Variants in PCDHA7 observed in about 807,000 individuals in gnomAD.
PCDHA7 encodes the protein protocadherin alpha-7.
Under a neutral mutation model 57.2 loss-of-function variants are expected in PCDHA7, and 37 were observed. The ratio of observed to expected loss-of-function variants is 0.65; its 90% CI spans 0.50 to 0.85. The LOEUF is 0.85. Among genes scored for constraint, PCDHA7 ranks in the 40% least tolerant of loss-of-function variants. PCDHA7 has a pLI of 0.00. For missense variants in PCDHA7, 1,188 were observed against 1,241.8 expected, an observed-to-expected ratio of 0.96 and a Z score of 0.65; for synonymous variants, 553 against 558.8, an observed-to-expected ratio of 0.99 and a Z score of 0.15.
intron 1 of PCDHA7, chr5:140,862,360 G>C (rs920511235): frequency 6.0e-6 from 2 of 334,746 alleles, no homozygotes; most frequent in Non-Finnish European, 1.2e-5. Flanking sequence ...AGGGACAGAC[G>C]ACCCGCACCC....
At chr5:140,905,704 T>C (rs960569704) in intron 1 of PCDHA7, among the ~76,000 whole-genome samples, 2 of 152,242 alleles carry the variant, frequency 1.3e-5, no homozygotes, top group African/African-American at 4.8e-5. Context: ...TCATTTATGA[T>C]TTCCTTCAGC....
At position 140,836,073 on chromosome 5, in the gene PCDHA7, G is replaced by C; in HGVS notation, c.1690G>C (p.Ala564Pro). 6.2e-7 allele frequency: 1 copy of C among 1,613,652 alleles called. No homozygotes were observed. ...FVLDENDNAP[A>P]LLAPRVGGTG... ...GCTGGACGAGAACGACAACGCGCCG[G>C]CACTGCTGGCGCCTCGGGTGGGTGG... The change falls in exon 1 of 4, where the codon GCA becomes CCA. Residue 564 changes from alanine (A) to proline (P), a missense_variant. Ala to Pro is a conservative substitution (Grantham distance 27, BLOSUM62 -1). Transcript: ENST00000525929.
chr5:140,866,671 G>A (rs2049487363), intron 1 of PCDHA7: 1 of 152,084 alleles, frequency 6.6e-6, no homozygotes, highest in Admixed American at 6.5e-5. Context: ...AGAAATAATA[G>A]CACTAGGTCT....
chr5:140,848,711 G>A (rs2150418509), intron 1 of PCDHA7: 14 of 1,592,432 alleles, frequency 8.8e-6, no homozygotes, highest in Non-Finnish European at 1.2e-5. Flanking sequence ...AAGGCCGCGG[G>A]GACCTTCTGG....
At chr5:140,862,706 G>A in intron 1 of PCDHA7, 1 of 558,712 alleles carries the variant, frequency 1.8e-6, no homozygotes, top group South Asian at 1.4e-5. Context: ...ATGGAACAGC[G>A]GGTGGGCGAG....
At chr5:140,928,504 A>G (rs1408229072) in intron 1 of PCDHA7, 1 of 1,614,092 alleles carries the variant, frequency 6.2e-7, no homozygotes, top group African/African-American at 1.3e-5. Flanking sequence ...CAGAAGTGCA[A>G]CAGTGACTAT....
rs2150409863 is a variant in PCDHA7 at position 140,848,399 on chromosome 5, C to A, written c.2355+11661C>A. 68 of 1,293,766 alleles carry A rather than the reference C, an allele frequency of 5.3e-5. 5 individuals are homozygous for A. In the Admixed American group the frequency reaches 5.7e-4, roughly 11 times the overall value. The allele number at this position is 1,293,766 out of a possible 1,614,324, so 80.1% of individuals were successfully genotyped here. A position where few individuals can be genotyped will look rare whatever the true frequency, so the allele number is the denominator to read the frequency against. The stretch of plus-strand genomic sequence containing the variant: ...TCTTTTTCACTCTCTCTGTGCTGAA[C>A]GATGGCGAACACAGCAGAATGGGAC... On this transcript the variant is annotated intron_variant, in intron 1 of 3. Coordinates refer to ENST00000525929, the MANE Select transcript of PCDHA7 (RefSeq NM_018910.3).
intron 1 of PCDHA7, chr5:140,927,919 C>G (rs782561454): frequency 6.2e-7 from 1 of 1,614,216 alleles, no homozygotes; most frequent in Non-Finnish European, 8.5e-7. Context: ...ACTGGACTTC[C>G]TGACTCTTTC....
intron 1 of PCDHA7, chr5:140,858,148 C>A: frequency 6.3e-7 from 1 of 1,597,640 alleles, no homozygotes; most frequent in Non-Finnish European, 8.6e-7. Context: ...ACCTGATCAT[C>A]GCCATCTGCG....
intron 2 of PCDHA7, 73 bp downstream of exon 2, chr5:140,979,080 A>T: frequency 1.3e-6 from 2 of 1,572,720 alleles, no homozygotes; most frequent in Non-Finnish European, 1.7e-6. Context: ...GCATCTCCAT[A>T]GGCCAGAAGC....
rs371718634 is a variant in PCDHA7, at chr5:140,884,469, C to G, written c.2355+47731C>G. ...CCGCCCACCGAGGGCGCGTGCGCGCCGGGCAAGCCCACTCTAGTGTGCTCC... is the reference window on the plus strand; with the variant it reads ...CCGCCCACCGAGGGCGCGTGCGCGCGGGGCAAGCCCACTCTAGTGTGCTCC... On this transcript the variant is annotated intron_variant, in intron 1 of 3. Coordinates refer to ENST00000525929, the MANE Select transcript of PCDHA7 (RefSeq NM_018910.3). 7.7e-5 allele frequency: 124 copies of G among 1,613,648 alleles called. 1 individual carries two copies. The highest frequency in any genetic ancestry group is 9.6e-5 in the Non-Finnish European group (113 of 1,179,828).
chr5:140,909,380 C>T (rs1247939021), intron 1 of PCDHA7, among the ~76,000 whole-genome samples: 2 of 152,194 alleles, frequency 1.3e-5, no homozygotes, highest in East Asian at 1.9e-4. Context: ...AATGAAACCA[C>T]ATCTAGTACA....
At chr5:140,944,439 G>A (rs1022400391) in intron 1 of PCDHA7, among the ~76,000 whole-genome samples, 7 of 152,022 alleles carry the variant, frequency 4.6e-5, no homozygotes, top group African/African-American at 1.2e-4. Context: ...TGCCTGCCTC[G>A]GCCTCCCAAA....
At chr5:140,885,798 T>C (rs1269362409) in intron 1 of PCDHA7, among the ~76,000 whole-genome samples, 1 of 152,186 alleles carries the variant, frequency 6.6e-6, no homozygotes, top group East Asian at 1.9e-4. Context: ...TTGTCATATG[T>C]ATTTTGTTGA....
chr5:140,954,046 G>C (rs1554221229), intron 1 of PCDHA7, among the ~76,000 whole-genome samples: 1 of 152,124 alleles, frequency 6.6e-6, no homozygotes, highest in African/African-American at 2.4e-5. Context: ...TTGGTTTTCT[G>C]TTCCTGCATT....
intron 1 of PCDHA7, among the ~76,000 whole-genome samples, chr5:140,918,303 G>C (rs2078625601): frequency 6.6e-6 from 1 of 152,112 alleles, no homozygotes; most frequent in Non-Finnish European, 1.5e-5. Flanking sequence ...AGAATATAGG[G>C]TTTTCTAGGT....
At chr5:140,856,168 C>G in intron 1 of PCDHA7, 1 of 1,598,314 alleles carries the variant, frequency 6.3e-7, no homozygotes, top group Non-Finnish European at 8.6e-7. Context: ...AGGCCAGACA[C>G]GGCACCTTCG....
chr5:141,000,136 G>A (rs2097893947), intron 3 of PCDHA7, among the ~76,000 whole-genome samples: 2 of 152,034 alleles, frequency 1.3e-5, no homozygotes, highest in South Asian at 4.1e-4. Flanking sequence ...TTCACAAGAA[G>A]TAAACAAAAC....
chr5:140,984,641 C>T (rs2153834832), intron 3 of PCDHA7, among the ~76,000 whole-genome samples: 1 of 152,276 alleles, frequency 6.6e-6, no homozygotes, highest in South Asian at 2.1e-4. Context: ...TCTCTGCCTT[C>T]TCCCTGTCCT....
Sources: gnomAD v4.1 joint callset for allele counts (sites outside exome capture counted in the v4.1 genomes callset) on GRCh38, gnomAD v4.1.1 for gene constraint, MANE v1.5 for transcripts, NCBI Gene and HGNC (gene_info 2026-07-23, HGNC 2026-07-21) for gene names.